The following TNNI3K variants were observed in gnomAD, a reference collection of about 807,000 sequenced individuals.
The protein encoded by TNNI3K is TNNI3 interacting kinase, also known as serine/threonine-protein kinase TNNI3K.
Under a neutral mutation model 114.5 loss-of-function variants are expected in TNNI3K, and 140 were observed. The ratio of observed to expected loss-of-function variants is 1.22; its 90% confidence interval spans 1.07 to 1.41. The LOEUF (loss-of-function observed/expected upper bound fraction) is 1.41, where lower values mean the gene tolerates loss of function less well. Ranked by LOEUF, TNNI3K falls within the 40% of genes most tolerant of loss-of-function variation. The pLI is 0.00. For synonymous variants in TNNI3K, 347 were observed against 347.5 expected (o/e 1.00, Z 0.02); for missense variants, 1,125 against 1,007.6 (o/e 1.12, Z -1.58).
intron 2 of TNNI3K, among the ~76,000 whole-genome samples, chr1:74,239,595 G>C (rs912591205): frequency 5.3e-5 from 8 of 152,058 alleles, no homozygotes; most frequent in African/African-American, 1.9e-4. Context: ...ATTTAAACTA[G>C]CATGAAACGT....
At chr1:74,294,898 CTG>C (rs1319260766) in intron 5 of TNNI3K, among the ~76,000 whole-genome samples, 1 of 151,626 alleles carries the variant, frequency 6.6e-6, no homozygotes, top group Non-Finnish European at 1.5e-5. Context: ...TTCTTTTTAA[CTG>C]TTTCTTTTAG....
intron 17 of TNNI3K, chr1:74,373,368 T>C (rs901531860): frequency 1.3e-5 from 2 of 151,920 alleles, no homozygotes; most frequent in Admixed American, 1.3e-4. Context: ...ACCTCTGCTT[T>C]AGCATGGTAC....
chr1:74,529,773 T>C (rs1012194604), intron 23 of TNNI3K, among the ~76,000 whole-genome samples: 15 of 152,206 alleles, frequency 9.9e-5, no homozygotes, highest in African/African-American at 3.6e-4. Context: ...TGAAAAGTTT[T>C]TTTAAGAAAG....
rs1662456296 is a variant in TNNI3K, at chr1:74,369,209, T to G, written c.1417T>G (p.Ser473Ala). ...IEFHEIIGSGSFGKVYKGRCR... is the reference protein window; with the variant it reads ...IEFHEIIGSGAFGKVYKGRCR... ...TTATTTATTTTAAACAATTGTAGGT[T>G]CTTTTGGGAAAGTATATAAAGGACG... Residue 473 changes from serine to alanine, a missense_variant and splice_region_variant, in exon 15 of 25, where the codon TCT becomes GCT. By Grantham distance (99) the Ser-to-Ala change is moderately conservative (BLOSUM62 1). Coordinates refer to ENST00000326637, the MANE Select transcript of TNNI3K (RefSeq NM_015978.3). 6.2e-7 allele frequency: 1 copy of G among 1,610,028 alleles called. No individual in the cohort carries two copies. Among genetic ancestry groups the G allele is most frequent in the Admixed American group, 1.7e-5 (1 of 59,348 alleles).
chr1:74,416,658 T>G (rs1429560604), intron 17 of TNNI3K: 15 of 696,072 alleles, frequency 2.2e-5, no homozygotes, highest in Non-Finnish European at 2.7e-5. Context: ...ACATGAATTT[T>G]AATTGATTTT....
chr1:74,429,975 G>A (rs767841798), intron 17 of TNNI3K, among the ~76,000 whole-genome samples: 16 of 152,084 alleles, frequency 1.1e-4, no homozygotes, highest in Non-Finnish European at 2.1e-4. Context: ...CTGAGAGGTT[G>A]GCCGTGGTGC....
chr1:74,520,773 C>T (rs1271296502), intron 23 of TNNI3K, among the ~76,000 whole-genome samples: 1 of 152,046 alleles, frequency 6.6e-6, no homozygotes, highest in African/African-American at 2.4e-5. Context: ...AGAAAACAGT[C>T]CCCTTTGAGT....
intron 1 of TNNI3K, among the ~76,000 whole-genome samples, 181 bp from the exon 2 acceptor site, chr1:74,235,921 A>G (rs1465372209): frequency 6.6e-6 from 1 of 151,666 alleles, no homozygotes. Flanking sequence ...TCATTACTAC[A>G]ATTCAATATG....
At chr1:74,368,914 ATGT>A in intron 13 of TNNI3K, 105 bp from the exon 14 acceptor site, 1 of 957,710 alleles carries the variant, frequency 1.0e-6, no homozygotes, top group Non-Finnish European at 1.5e-6. Context: ...TAAAAATTAA[ATGT>A]TATTAGGAAA....
chr1:74,456,718 G>T (rs11210463), intron 20 of TNNI3K, among the ~76,000 whole-genome samples: 40 of 152,052 alleles, frequency 2.6e-4, no homozygotes, highest in South Asian at 1.9e-3. Context: ...TCTGTGTCCT[G>T]GGATTCCTTA....
intron 21 of TNNI3K, among the ~76,000 whole-genome samples, chr1:74,477,208 T>C (rs559176774): frequency 6.6e-6 from 1 of 152,264 alleles, no homozygotes; most frequent in African/African-American, 2.4e-5. Context: ...CTTTAACTCA[T>C]ATGGGTAAGA....
chr1:74,287,702 C>CAA (rs1349183543), intron 5 of TNNI3K, among the ~76,000 whole-genome samples: 2 of 152,050 alleles, frequency 1.3e-5, no homozygotes, highest in East Asian at 3.9e-4. Flanking sequence ...ACCTCAAAAA[C>CAA]ACAAGAAACA....
chr1:74,288,667 A>C (rs578029286), intron 5 of TNNI3K, among the ~76,000 whole-genome samples: 2 of 151,986 alleles, frequency 1.3e-5, no homozygotes, highest in South Asian at 4.1e-4. Context: ...TTAGTTATGA[A>C]GAATGAATAA....
intron 11 of TNNI3K, among the ~76,000 whole-genome samples, chr1:74,365,567 T>A (rs1191570680): frequency 1.3e-5 from 2 of 152,100 alleles, no homozygotes; most frequent in Non-Finnish European, 2.9e-5. Context: ...CAACCAAATC[T>A]GATACCACTC....
chr1:74,439,770 G>A, intron 20 of TNNI3K, 148 bp downstream of exon 20: 1 of 1,259,302 alleles, frequency 7.9e-7, no homozygotes, highest in Middle Eastern at 2.6e-4. Flanking sequence ...GTTTTAAGGT[G>A]TGTGCCCAAC....
chr1:74,391,824 G>A (rs1184353795), intron 17 of TNNI3K, among the ~76,000 whole-genome samples: 1 of 152,080 alleles, frequency 6.6e-6, no homozygotes, highest in African/African-American at 2.4e-5. Context: ...AGCAGCAAAT[G>A]GTGCTATGGG....
chr1:74,496,782 A>T (rs950803930), intron 23 of TNNI3K, among the ~76,000 whole-genome samples: 2 of 152,146 alleles, frequency 1.3e-5, no homozygotes, highest in Non-Finnish European at 2.9e-5. Flanking sequence ...GTGCCTCTAG[A>T]TATATTTGGA....
At chr1:74,355,894 A>C (rs1557517425) in intron 11 of TNNI3K, among the ~76,000 whole-genome samples, 2 of 152,162 alleles carry the variant, frequency 1.3e-5, no homozygotes, top group Non-Finnish European at 2.9e-5. Flanking sequence ...TTTTTATTTG[A>C]ATATTGTATA....
intron 5 of TNNI3K, among the ~76,000 whole-genome samples, chr1:74,300,646 G>C (rs1207643014): frequency 6.6e-6 from 1 of 152,188 alleles, no homozygotes; most frequent in Non-Finnish European, 1.5e-5. Context: ...ATAGGATTGA[G>C]CAGAATTATT....
Sources: allele counts gnomAD v4.1 joint callset (sites outside exome capture counted in the v4.1 genomes callset), GRCh38; gene constraint gnomAD v4.1.1; transcripts MANE v1.5; gene names NCBI Gene and HGNC (gene_info 2026-07-23, HGNC 2026-07-21).